The following ENDOV variants were observed in gnomAD, a reference collection of about 807,000 sequenced individuals.
ENDOV encodes hEndoV.
ENDOV carries 37 observed loss-of-function variants against 39.4 expected under a neutral mutation model. The ratio of observed to expected loss-of-function variants is 0.94; its 90% CI spans 0.72 to 1.23. The LOEUF (loss-of-function observed/expected upper bound fraction) is 1.23, where lower values mean the gene tolerates loss of function less well. Among genes scored for constraint, ENDOV ranks in the 50% most tolerant of loss-of-function variants. The pLI, the probability that ENDOV is intolerant of heterozygous loss-of-function variation, is 0.00. For missense variants in ENDOV, 441 were observed against 375.7 expected, an observed-to-expected ratio of 1.17 and a Z score of -1.44; for synonymous variants, 186 against 163.4, an observed-to-expected ratio of 1.14 and a Z score of -1.05.
At chr17:80,415,525 C>A (rs949576557) in intron 1 of ENDOV, 125 bp from the exon 2 acceptor site, 2 of 1,274,578 alleles carry the variant, frequency 1.6e-6, no homozygotes, top group African/African-American at 3.0e-5. Flanking sequence ...GGCGGTATGT[C>A]CCTTGCTTTC....
At chr17:80,424,957 A>T in intron 5 of ENDOV, 75 bp from the exon 6 acceptor site, 1 of 1,328,476 alleles carries the variant, frequency 7.5e-7, no homozygotes, top group Non-Finnish European at 1.1e-6. Context: ...TCCGTCTCAA[A>T]AAATAGAGAC....
intron 5 of ENDOV, chr17:80,424,360 G>T: frequency 2.5e-6 from 1 of 400,040 alleles, no homozygotes; most frequent in Middle Eastern, 6.3e-4. Flanking sequence ...TGTCAGATGT[G>T]CCCAAAGCAG....
chr17:80,429,643 C>T, intron 8 of ENDOV, 130 bp from the exon 9 acceptor site: 2 of 862,124 alleles, frequency 2.3e-6, no homozygotes, highest in Non-Finnish European at 3.6e-6. Context: ...CTGCCCTGCC[C>T]TCTGCCCTGG....
In ENDOV at chr17:80,436,548, A is replaced by C; in HGVS notation, c.*405A>C. 2.8e-6 allele frequency: 1 copy of C among 351,574 alleles called. No individual in the cohort carries two copies. The highest frequency in any genetic ancestry group is 5.2e-6 in the Non-Finnish European group (1 of 192,062). The allele number at this position is 351,574 out of a possible 1,614,324, so 21.8% of individuals were successfully genotyped here. A position where few individuals can be genotyped will look rare whatever the true frequency, so the allele number is the denominator to read the frequency against. On this transcript the variant is annotated 3_prime_UTR_variant, in exon 10 of 10. Transcript: ENST00000518137. ...GAAAAGATCCTGTGTTCTTCTGTGA[A>C]TATGAGGTGTTACATTGATTGATTT... is the stretch of plus-strand genomic sequence containing the variant.
At chr17:80,428,449 G>T in intron 7 of ENDOV, 147 bp from the exon 8 acceptor site, 1 of 745,882 alleles carries the variant, frequency 1.3e-6, no homozygotes, top group South Asian at 1.8e-5. Flanking sequence ...TGACAGGGCC[G>T]CGGCTCCTGA....
At position 80,421,960 on chromosome 17, in the gene ENDOV, C is replaced by A. The variant is rs890159318; in HGVS notation, c.361C>A (p.Gln121Lys). 3 of 1,608,234 alleles carry A rather than the reference C, an allele frequency of 1.9e-6. No homozygotes were observed. The highest frequency in any genetic ancestry group is 1.1e-5 in the South Asian group (1 of 90,778). The part of the protein sequence containing the change: ...LREKEPGLMP[Q>K]VLLVDGNGVL... ...GGAGAAGGAGCCGGGCCTCATGCCC[C>A]AGGCAGGTGTCTCATCCCTAGGACG... The change falls in exon 3 of 10, where the codon CAG becomes AAG. Residue 121 changes from glutamine (Q) to lysine (K), a missense_variant and splice_region_variant. By Grantham distance (53) the Gln-to-Lys change is moderately conservative (BLOSUM62 1). Coordinates refer to ENST00000518137, the MANE Select transcript of ENDOV (RefSeq NM_173627.5).
At chr17:80,430,310 C>G in intron 9 of ENDOV, 1 of 1,516,538 alleles carries the variant, frequency 6.6e-7, no homozygotes, top group African/African-American at 1.4e-5. Flanking sequence ...TTGCCCACCC[C>G]TTTCAATAGA....
chr17:80,422,664 C>G (rs2144945642), intron 4 of ENDOV, among the ~76,000 whole-genome samples: 1 of 152,320 alleles, frequency 6.6e-6, no homozygotes, highest in East Asian at 1.9e-4. Flanking sequence ...CCCACTGATG[C>G]CAGGAACCTT....
At chr17:80,417,827 G>A (rs1288261780) in intron 2 of ENDOV, 1 of 152,160 alleles carries the variant, frequency 6.6e-6, no homozygotes, top group East Asian at 1.9e-4. Context: ...GAAGACGCTG[G>A]ACTCTTCCTT....
At chr17:80,424,055 T>A in intron 5 of ENDOV, 2 of 183,464 alleles carry the variant, frequency 1.1e-5, no homozygotes, top group African/African-American at 2.7e-5. Context: ...CGCCAAGACC[T>A]GCCTGGAGCT....
At chr17:80,418,294 A>G (rs1206499173) in intron 2 of ENDOV, 3 of 152,208 alleles carry the variant, frequency 2.0e-5, no homozygotes, top group Admixed American at 2.0e-4. Context: ...TTAACACAGC[A>G]TTCCCTTCCC....
chr17:80,436,587 C>A lies in ENDOV; in HGVS notation c.*444C>A. The A allele has an allele frequency of 3.6e-6, 1 of 280,562 alleles. No individual in the cohort carries two copies. 17.4% of individuals were successfully genotyped at this position (280,562 alleles called of 1,614,324 possible). ...ATTGATTGATTTTCATATGTTGAGC[C>A]AGTTTCCATTTGTGGAATACATCTA... On this transcript the variant is annotated 3_prime_UTR_variant, in exon 10 of 10. Coordinates refer to ENST00000518137, the MANE Select transcript of ENDOV (RefSeq NM_173627.5).
intron 9 of ENDOV, among the ~76,000 whole-genome samples, chr17:80,432,577 A>G (rs2083395518): frequency 6.6e-6 from 1 of 152,094 alleles, no homozygotes; most frequent in Admixed American, 6.5e-5. Flanking sequence ...GTCCCGTGTC[A>G]TTGCCCGTGA....
chr17:80,415,476 C>T, intron 1 of ENDOV, 174 bp from the exon 2 acceptor site: 1 of 1,029,748 alleles, frequency 9.7e-7, no homozygotes, highest in Non-Finnish European at 1.4e-6. Context: ...TGCGCTTGCG[C>T]GGGTCTCCGC....
At chr17:80,433,833 T>C (rs777289931) in intron 9 of ENDOV, among the ~76,000 whole-genome samples, 8 of 152,168 alleles carry the variant, frequency 5.3e-5, no homozygotes, top group Non-Finnish European at 1.2e-4. Context: ...AGGGGGTCCT[T>C]CATTTTCCCC....
At chr17:80,433,393 C>T (rs2083441352) in intron 9 of ENDOV, among the ~76,000 whole-genome samples, 1 of 152,216 alleles carries the variant, frequency 6.6e-6, no homozygotes, top group Non-Finnish European at 1.5e-5. Flanking sequence ...CCATGCTGTG[C>T]CAACCCCAGT....
At chr17:80,427,586 G>A (rs1050653651) in intron 7 of ENDOV, 1 of 1,097,376 alleles carries the variant, frequency 9.1e-7, no homozygotes, top group African/African-American at 1.6e-5. Flanking sequence ...TTACTGTTGG[G>A]CGTGAGCCGA....
rs28641025 is a variant in ENDOV at position 80,437,199 on chromosome 17, C to T, written c.*1056C>T. ...GCAGTGATCTGGCTGGGAAAGGGGA[C>T]CAGGAGTGCAGGGCACCTGCTGAGG... On this transcript the variant is annotated 3_prime_UTR_variant, in exon 10 of 10. Coordinates refer to ENST00000518137, the MANE Select transcript of ENDOV (RefSeq NM_173627.5). 0.057 allele frequency: 8,742 copies of T among 152,718 alleles called. 856 individuals are homozygous for T. Among genetic ancestry groups the T allele is most frequent in the African/African-American group, 0.2 (8,320 of 41,518 alleles). 9.5% of individuals were successfully genotyped at this position (152,718 alleles called of 1,614,324 possible).
intron 2 of ENDOV, chr17:80,419,659 A>G (rs1276886810): frequency 2.8e-6 from 2 of 702,770 alleles, no homozygotes; most frequent in East Asian, 5.4e-5. Flanking sequence ...TGCTGGAAAC[A>G]GCTGCCTGCT....
Sources: allele counts gnomAD v4.1 joint callset (sites outside exome capture counted in the v4.1 genomes callset), GRCh38; gene constraint gnomAD v4.1.1; transcripts MANE v1.5; gene names NCBI Gene and HGNC (gene_info 2026-07-23, HGNC 2026-07-21).